The following CCSER1 variants were observed in gnomAD, a reference collection of about 807,000 sequenced individuals.
CCSER1 encodes the protein serine-rich coiled-coil domain-containing protein 1.
Under a neutral mutation model 82.0 loss-of-function variants are expected in CCSER1, and 41 were observed. That is an observed-to-expected ratio of 0.50 (90% CI 0.39 to 0.65). The LOEUF (loss-of-function observed/expected upper bound fraction) is 0.65, where lower values mean the gene tolerates loss of function less well. Among genes scored for constraint, CCSER1 ranks in the 30% least tolerant of loss-of-function variants. The pLI is 0.00. For synonymous variants in CCSER1, 414 were observed against 383.9 expected (o/e 1.08, Z -0.92); for missense variants, 1,119 against 1,064.2 (o/e 1.05, Z -0.72).
intron 7 of CCSER1, among the ~76,000 whole-genome samples, chr4:90,727,908 G>C (rs930264000): frequency 6.6e-6 from 1 of 151,812 alleles, no homozygotes; most frequent in Non-Finnish European, 1.5e-5. Context: ...CTACTGTACT[G>C]TATTATATTT....
chr4:90,164,657 T>C (rs1223990020), intron 1 of CCSER1, among the ~76,000 whole-genome samples: 3 of 152,130 alleles, frequency 2.0e-5, no homozygotes, highest in African/African-American at 7.2e-5. Context: ...AAATTAGAGT[T>C]GTCTAGACTT....
At chr4:90,815,460 A>C (rs751866621) in intron 7 of CCSER1, among the ~76,000 whole-genome samples, 1 of 152,162 alleles carries the variant, frequency 6.6e-6, no homozygotes, top group Non-Finnish European at 1.5e-5. Flanking sequence ...TGTCATAGGC[A>C]AATAAATCGA....
intron 8 of CCSER1, among the ~76,000 whole-genome samples, chr4:90,837,040 C>G (rs1356977348): frequency 6.6e-6 from 1 of 152,018 alleles, no homozygotes; most frequent in Non-Finnish European, 1.5e-5. Flanking sequence ...CATCTTTCTA[C>G]TATCTTTATA....
intron 4 of CCSER1, among the ~76,000 whole-genome samples, chr4:90,442,344 T>G (rs914498902): frequency 6.6e-6 from 1 of 152,098 alleles, no homozygotes; most frequent in Non-Finnish European, 1.5e-5. Flanking sequence ...TGGCAATCAA[T>G]GACTTTTACT....
chr4:90,546,945 G>A (rs945254089), intron 5 of CCSER1, among the ~76,000 whole-genome samples: 14 of 152,036 alleles, frequency 9.2e-5, no homozygotes, highest in African/African-American at 3.1e-4. Context: ...GCTTTCCAAA[G>A]CCTAATGAGT....
chr4:91,213,215 G>A (rs1282834703), intron 10 of CCSER1, among the ~76,000 whole-genome samples: 1 of 151,736 alleles, frequency 6.6e-6, no homozygotes, highest in Non-Finnish European at 1.5e-5. Context: ...TTTTTTTAAT[G>A]TAATGTCTCA....
rs528526952 is a variant in CCSER1 at position 90,341,283 on chromosome 4, A to C, written c.1509+28236A>C. On this transcript the variant is annotated intron_variant, in intron 3 of 10. Coordinates refer to ENST00000509176, the MANE Select transcript of CCSER1 (RefSeq NM_001145065.2). Reference sequence around the variant, plus strand: ...TTGAAGTGCTTAGCTCTGTGATCTTATGAGAGTTTTATTATCTTCTTCCTA... The same window carrying C: ...TTGAAGTGCTTAGCTCTGTGATCTTCTGAGAGTTTTATTATCTTCTTCCTA... Among the ~76,000 whole-genome samples the C allele has an allele frequency of 7.2e-5, 11 of 152,192 alleles. No homozygotes were observed. In the South Asian group the frequency reaches 2.1e-3, roughly 29 times the overall value.
intron 9 of CCSER1, among the ~76,000 whole-genome samples, chr4:90,979,620 C>T (rs572196345): frequency 7.3e-5 from 11 of 151,714 alleles, no homozygotes; most frequent in Admixed American, 2.6e-4. Context: ...CTCCATCTGC[C>T]GCCATATGAC....
chr4:91,163,133 C>T (rs1731624824), intron 10 of CCSER1, among the ~76,000 whole-genome samples: 2 of 152,152 alleles, frequency 1.3e-5, no homozygotes, highest in African/African-American at 4.8e-5. Context: ...TATGTTGTGT[C>T]TTTGTTCTCA....
chr4:90,597,358 C>T (rs1446675462), intron 5 of CCSER1, among the ~76,000 whole-genome samples: 5 of 151,850 alleles, frequency 3.3e-5, no homozygotes, highest in Admixed American at 3.3e-4. Context: ...TGTATTTTGT[C>T]TTATTAGAGG....
At chr4:90,367,872 C>T (rs1348846543) in intron 3 of CCSER1, among the ~76,000 whole-genome samples, 1 of 151,702 alleles carries the variant, frequency 6.6e-6, no homozygotes, top group South Asian at 2.1e-4. Flanking sequence ...GAAGTTAACA[C>T]ATTTGAGCAG....
chr4:91,139,753 T>A (rs536588655), intron 10 of CCSER1, among the ~76,000 whole-genome samples: 30 of 152,212 alleles, frequency 2.0e-4, no homozygotes, highest in Non-Finnish European at 3.7e-4. Flanking sequence ...ACTTATCTAG[T>A]GTCTAATATA....
chr4:91,476,297 A>G (rs1441517523), intron 10 of CCSER1, among the ~76,000 whole-genome samples: 1 of 151,692 alleles, frequency 6.6e-6, no homozygotes, highest in Non-Finnish European at 1.5e-5. Flanking sequence ...CCTTGCAAGC[A>G]TTATTTTCTG....
At chr4:90,614,312 A>G (rs897412810) in intron 5 of CCSER1, among the ~76,000 whole-genome samples, 5 of 152,096 alleles carry the variant, frequency 3.3e-5, no homozygotes, top group African/African-American at 1.2e-4. Flanking sequence ...AGACACAACA[A>G]TATTGAAATT....
intron 1 of CCSER1, among the ~76,000 whole-genome samples, chr4:90,162,603 A>T (rs540443282): frequency 1.3e-5 from 2 of 152,254 alleles, no homozygotes; most frequent in East Asian, 3.9e-4. Flanking sequence ...GTCTAAAAAA[A>T]AAGTTAAGAC....
At chr4:91,350,962 A>G (rs1318625435) in intron 10 of CCSER1, among the ~76,000 whole-genome samples, 1 of 151,996 alleles carries the variant, frequency 6.6e-6, no homozygotes. Context: ...TTTATTTATG[A>G]AATTAAAAGT....
At chr4:90,552,595 C>T (rs1159749331) in intron 5 of CCSER1, among the ~76,000 whole-genome samples, 1 of 151,706 alleles carries the variant, frequency 6.6e-6, no homozygotes, top group Non-Finnish European at 1.5e-5. Flanking sequence ...GTAGCTGGGA[C>T]CATAAGCATA....
intron 5 of CCSER1, among the ~76,000 whole-genome samples, chr4:90,596,719 C>T (rs1301200095): frequency 1.3e-5 from 2 of 149,740 alleles, no homozygotes; most frequent in South Asian, 2.1e-4. Flanking sequence ...ATTTTTTTAC[C>T]AAAAAAAAGA....
chr4:91,146,918 G>A (rs1386518045), intron 10 of CCSER1, among the ~76,000 whole-genome samples: 1 of 152,148 alleles, frequency 6.6e-6, no homozygotes, highest in Non-Finnish European at 1.5e-5. Context: ...GGAGACAGAG[G>A]GCAGGAGAGG....
Sources: allele counts gnomAD v4.1 joint callset (sites outside exome capture counted in the v4.1 genomes callset), GRCh38; gene constraint gnomAD v4.1.1; transcripts MANE v1.5; gene names NCBI Gene and HGNC (gene_info 2026-07-23, HGNC 2026-07-21).